Variants in KIF21A observed in about 807,000 individuals in gnomAD.
KIF21A encodes kinesin family member 21A.
KIF21A carries 114 observed loss-of-function variants against 202.9 expected under a neutral mutation model. That is an observed-to-expected ratio of 0.56 (90% CI 0.48 to 0.66). The LOEUF is 0.66. Among genes scored for constraint, KIF21A ranks in the 30% least tolerant of loss-of-function variants. The probability of loss-of-function intolerance (pLI) is 0.00; values close to 1 mark genes in which losing one functional copy is unlikely to be tolerated. For missense variants in KIF21A, 1,677 were observed against 1,994.9 expected, an observed-to-expected ratio of 0.84 and a Z score of 3.04; for synonymous variants, 667 against 670.8, an observed-to-expected ratio of 0.99 and a Z score of 0.09.
chr12:39,346,567 A>G, intron 11 of KIF21A, 63 bp from the exon 12 acceptor site: 1 of 1,166,878 alleles, frequency 8.6e-7, no homozygotes, highest in Admixed American at 3.5e-5. Flanking sequence ...CAGACAGTAA[A>G]AAGCGAAAGT....
intron 1 of KIF21A, among the ~76,000 whole-genome samples, chr12:39,395,260 T>C (rs912088417): frequency 1.6e-4 from 24 of 152,194 alleles, no homozygotes; most frequent in African/African-American, 5.8e-4. Context: ...CCATTACCTT[T>C]AAAGCTAGGC....
At chr12:39,387,058 G>T (rs1282439925) in intron 1 of KIF21A, among the ~76,000 whole-genome samples, 2 of 150,280 alleles carry the variant, frequency 1.3e-5, no homozygotes, top group Non-Finnish European at 3.0e-5. Flanking sequence ...ATTTTTAGCT[G>T]GGGAAAAAAA....
intron 1 of KIF21A, among the ~76,000 whole-genome samples, chr12:39,375,295 C>T (rs1950201812): frequency 6.6e-6 from 1 of 152,140 alleles, no homozygotes; most frequent in African/African-American, 2.4e-5. Flanking sequence ...AGTCATGAAA[C>T]TTAGCAAAAC....
At chr12:39,441,660 T>TATAAAAAA (rs1939602538) in intron 1 of KIF21A, among the ~76,000 whole-genome samples, 1 of 37,788 alleles carries the variant, frequency 2.6e-5, no homozygotes, top group Non-Finnish European at 5.6e-5. Context: ...CCCTGGGTGG[T>TATAAAAAA]AAAAAAAAAA....
At chr12:39,315,834 T>C (rs572898804) in intron 30 of KIF21A, 98 bp downstream of exon 30, 2 of 820,598 alleles carry the variant, frequency 2.4e-6, no homozygotes, top group Non-Finnish European at 2.2e-6. Context: ...CAACAAGTGA[T>C]GCATGCAACA....
intron 27 of KIF21A, among the ~76,000 whole-genome samples, chr12:39,320,491 A>G (rs1945094715): frequency 6.6e-6 from 1 of 152,198 alleles, no homozygotes; most frequent in Admixed American, 6.5e-5. Context: ...TAATTATTTT[A>G]CTTAGCTAGT....
intron 7 of KIF21A, among the ~76,000 whole-genome samples, chr12:39,358,858 C>T (rs1948992654): frequency 6.6e-6 from 1 of 152,132 alleles, no homozygotes; most frequent in African/African-American, 2.4e-5. Flanking sequence ...GTTATATAAA[C>T]TGTCATTTGT....
At chr12:39,305,044 CTT>C in intron 34 of KIF21A, 106 bp from the exon 35 acceptor site, 1 of 647,454 alleles carries the variant, frequency 1.5e-6, no homozygotes, top group East Asian at 3.0e-5. Context: ...AATTCACTAA[CTT>C]TTTTTTTTCT....
intron 4 of KIF21A, 122 bp from the exon 5 acceptor site, chr12:39,367,286 C>T (rs1949666562): frequency 9.7e-7 from 1 of 1,035,070 alleles, no homozygotes; most frequent in South Asian, 1.3e-5. Flanking sequence ...TGGAATTTCA[C>T]ATTATTAGTT....
chr12:39,409,385 A>G (rs1592605195), intron 1 of KIF21A, among the ~76,000 whole-genome samples: 1 of 145,642 alleles, frequency 6.9e-6, no homozygotes, highest in East Asian at 2.0e-4. Flanking sequence ...AAAAATTAAA[A>G]AAACAAAAAA....
chr12:39,422,940 C>A (rs1036531688), intron 1 of KIF21A, among the ~76,000 whole-genome samples: 1 of 152,216 alleles, frequency 6.6e-6, no homozygotes. Flanking sequence ...ACTGCCACTT[C>A]CAACTCTGTG....
chr12:39,331,762 T>G lies in KIF21A; in HGVS notation c.3081A>C (p.Ala1027=), dbSNP rs1354482348. The G allele has an allele frequency of 1.9e-6, 3 of 1,613,180 alleles. No individual in the cohort carries two copies. The highest frequency in any genetic ancestry group is 2.5e-6 in the Non-Finnish European group (3 of 1,179,212). Residue 1027 remains alanine (A), a synonymous_variant, in exon 22 of 38, where the codon GCA becomes GCC. Transcript: ENST00000361418. ...KEEGETLDVT[A]VINACTLTEA... ...CTGTAAGGGTGCAGGCATTAATGAC[T>G]GCAGTAACATCCAATGTCTCACCTT... is the stretch of plus-strand genomic sequence containing the variant.
intron 1 of KIF21A, among the ~76,000 whole-genome samples, chr12:39,404,129 G>C (rs1952393474): frequency 6.6e-6 from 1 of 152,108 alleles, no homozygotes; most frequent in Non-Finnish European, 1.5e-5. Flanking sequence ...AGGCTAGAGT[G>C]CAGTGGCTAT....
Position 39,340,231 on chromosome 12 carries a change from A to G in KIF21A, c.2244T>C (p.Asn748=), listed in dbSNP as rs1195409152. 1 of 1,612,966 alleles carries G rather than the reference A, an allele frequency of 6.2e-7. No homozygotes were observed. Among genetic ancestry groups the G allele is most frequent in the African/African-American group, 1.3e-5 (1 of 74,834 alleles). The part of the protein sequence containing the change: ...AQKEHARLLK[N]QSQYEKQLKK... ...TCAATTGCTTTTCATACTGAGACTG[A>G]TTTTTAAGCAACCTTGCATGTTCTT... The change falls in exon 16 of 38, where the codon AAT becomes AAC. Residue 748 remains asparagine, a synonymous_variant. Coordinates refer to ENST00000361418, the MANE Select transcript of KIF21A (RefSeq NM_001173464.2).
At chr12:39,440,738 C>G (rs1465367479) in intron 1 of KIF21A, among the ~76,000 whole-genome samples, 1 of 152,124 alleles carries the variant, frequency 6.6e-6, no homozygotes, top group East Asian at 1.9e-4. Context: ...AAGAAATCCC[C>G]GATTTATCCA....
At chr12:39,334,658 T>G (rs1242330546) in intron 17 of KIF21A, among the ~76,000 whole-genome samples, 1 of 152,222 alleles carries the variant, frequency 6.6e-6, no homozygotes, top group Non-Finnish European at 1.5e-5. Flanking sequence ...TTTTATATGG[T>G]ATATAAATGT....
rs796112754 is a variant in KIF21A at position 39,396,926 on chromosome 12, A to G, written c.45-26665T>C. Among the ~76,000 whole-genome samples, 4 of 152,248 alleles carry G rather than the reference A, an allele frequency of 2.6e-5. No individual in the cohort carries two copies. In the South Asian group the frequency reaches 8.3e-4, roughly 31 times the overall value. ...CACAACGTGAATAAACCCCAAAAAC[A>G]TAATGCTAAGTGAAATACACCAAAC... is the stretch of plus-strand genomic sequence containing the variant. On this transcript the variant is annotated intron_variant, in intron 1 of 37. Coordinates refer to ENST00000361418, the MANE Select transcript of KIF21A (RefSeq NM_001173464.2).
At chr12:39,431,428 TAGG>T (rs1398117167) in intron 1 of KIF21A, among the ~76,000 whole-genome samples, 2 of 151,972 alleles carry the variant, frequency 1.3e-5, no homozygotes, top group African/African-American at 2.4e-5. Context: ...ACAAGTAAAA[TAGG>T]AGGTTAAAGG....
At chr12:39,393,585 T>C (rs1439739856) in intron 1 of KIF21A, among the ~76,000 whole-genome samples, 3 of 152,224 alleles carry the variant, frequency 2.0e-5, no homozygotes, top group Non-Finnish European at 4.4e-5. Context: ...TACACTGTTA[T>C]TTCCCCACTT....
Sources: allele counts gnomAD v4.1 joint callset (sites outside exome capture counted in the v4.1 genomes callset), GRCh38; gene constraint gnomAD v4.1.1; transcripts MANE v1.5; gene names NCBI Gene and HGNC (gene_info 2026-07-23, HGNC 2026-07-21).